SEC31A: variants seen among roughly 807,000 people sequenced by gnomAD.
SEC31A encodes SEC31 homolog A, COPII component.
A neutral mutation model predicts 151.0 loss-of-function variants in SEC31A; 70 were observed. The ratio of observed to expected loss-of-function variants is 0.46; its 90% CI spans 0.38 to 0.57. The LOEUF (loss-of-function observed/expected upper bound fraction) is 0.57. SEC31A is among the 20% of genes least tolerant of loss of function. The pLI is 0.00. For synonymous variants in SEC31A, 475 were observed against 505.9 expected, an observed-to-expected ratio of 0.94 and a Z score of 0.82; for missense variants, 1,330 against 1,471.2, an observed-to-expected ratio of 0.90 and a Z score of 1.57.
Position 82,874,640 on chromosome 4 carries a change from T to G in SEC31A, c.610A>C (p.Ile204Leu), listed in dbSNP as rs757673983. 2 of 1,610,342 alleles carry G rather than the reference T, an allele frequency of 1.2e-6. No homozygotes were observed. The highest frequency in any genetic ancestry group is 1.3e-5 in the African/African-American group (1 of 74,788). ...TVWDLRKNEP[I>L]IKVSDHSNRM... ...TTACTATGGTCACTGACTTTGATGA[T>G]TGGCTCATTTTTTCTAAGATCCCAT... The change falls in exon 6 of 27, where the codon ATC becomes CTC. Residue 204 changes from isoleucine to leucine, a missense_variant. Coordinates refer to ENST00000395310, the MANE Select transcript of SEC31A (RefSeq NM_001077207.4).
At chr4:82,877,196 G>A (rs954747162) in intron 4 of SEC31A, among the ~76,000 whole-genome samples, 1 of 152,124 alleles carries the variant, frequency 6.6e-6, no homozygotes, top group Non-Finnish European at 1.5e-5. Flanking sequence ...CTGCAGTCCA[G>A]CCTGGCAGAG....
In SEC31A at chr4:82,864,456, T is replaced by C; in HGVS notation, c.1340A>G (p.Gln447Arg). 1 of 1,614,210 alleles carries C rather than the reference T, an allele frequency of 6.2e-7. No homozygotes were observed. The highest frequency in any genetic ancestry group is 2.2e-5 in the East Asian group (1 of 44,880). The change falls in exon 11 of 27, where the codon CAG (glutamine) becomes CGG (arginine). Residue 447 changes from glutamine (Q) to arginine (R), a missense_variant. Transcript: ENST00000395310. ...EFLSRSDQLQQAVQSQGFINY... is the reference protein window; with the variant it reads ...EFLSRSDQLQRAVQSQGFINY... Reference sequence around the variant, plus strand: ...GATAAATCCTTGTGACTGCACAGCCTGCTGAAGTTGGTCTGATCGGCTGAG... The same window carrying C: ...GATAAATCCTTGTGACTGCACAGCCCGCTGAAGTTGGTCTGATCGGCTGAG...
In SEC31A at chr4:82,851,609, ATG is replaced by A. The variant is rs1578229525; in HGVS notation, c.2155-7_2155-6del. On this transcript the variant is annotated splice_polypyrimidine_tract_variant and splice_region_variant and intron_variant, in intron 18 of 26. Transcript: ENST00000395310. ...GACAACTTTCTCAATCAGATCCTAAATGAAAAAAATGAGTAACAAACAGAAAT... is the reference window on the plus strand; with the variant it reads ...GACAACTTTCTCAATCAGATCCTAAAAAAAAAATGAGTAACAAACAGAAAT... 1.2e-6 allele frequency: 2 copies of A among 1,601,556 alleles called. No homozygotes were observed. The highest frequency in any genetic ancestry group is 1.1e-5 in the South Asian group (1 of 89,874).
At chr4:82,829,733 G>A (rs941801463) in intron 22 of SEC31A, among the ~76,000 whole-genome samples, 2 of 151,902 alleles carry the variant, frequency 1.3e-5, no homozygotes, top group African/African-American at 2.4e-5. Context: ...ACCAACTGTA[G>A]TAAATTTCCT....
chr4:82,856,931 C>T, intron 16 of SEC31A, 21 bp downstream of exon 16: 5 of 1,581,176 alleles, frequency 3.2e-6, no homozygotes, highest in Non-Finnish European at 4.3e-6. Flanking sequence ...TACGTTATTG[C>T]TTATTTTTAA....
intron 18 of SEC31A, among the ~76,000 whole-genome samples, chr4:82,853,286 A>G (rs78316734): frequency 0.023 from 3,577 of 152,312 alleles, 143 homozygotes; most frequent in African/African-American, 0.081. Flanking sequence ...AGGAGCACAC[A>G]GAAAAAGAGG....
intron 24 of SEC31A, 137 bp downstream of exon 24, chr4:82,827,232 A>T (rs1338631258): frequency 2.1e-6 from 2 of 949,966 alleles, no homozygotes; most frequent in African/African-American, 1.6e-5. Flanking sequence ...GATCGATCTT[A>T]AAAAAAAGTT....
chr4:82,821,654 G>C (rs1028836004), intron 25 of SEC31A, among the ~76,000 whole-genome samples: 2 of 151,376 alleles, frequency 1.3e-5, no homozygotes, highest in African/African-American at 4.9e-5. Flanking sequence ...GAGAGGATGA[G>C]ACTTACTTCC....
chr4:82,888,699 A>T (rs80134949), intron 1 of SEC31A, among the ~76,000 whole-genome samples: 576 of 35,316 alleles, frequency 0.016, 2 homozygotes, highest in African/African-American at 0.024. Context: ...AGAAAAAAAT[A>T]AAAAAAAAAA....
intron 22 of SEC31A, among the ~76,000 whole-genome samples, chr4:82,838,354 C>A (rs1727916437): frequency 6.6e-6 from 1 of 152,144 alleles, no homozygotes; most frequent in Non-Finnish European, 1.5e-5. Context: ...AAGTGACAGG[C>A]AGTTATCCTA....
chr4:82,828,949 G>T, intron 23 of SEC31A, 51 bp downstream of exon 23: 1 of 1,423,176 alleles, frequency 7.0e-7, no homozygotes, highest in Non-Finnish European at 9.9e-7. Context: ...AAGTGGCTAC[G>T]TGGTTAACAT....
At chr4:82,868,836 C>T (rs1298379611) in intron 8 of SEC31A, among the ~76,000 whole-genome samples, 1 of 152,042 alleles carries the variant, frequency 6.6e-6, no homozygotes, top group Non-Finnish European at 1.5e-5. Flanking sequence ...GCTAGGACTA[C>T]AGAACACGCC....
chr4:82,890,955 G>C, intron 1 of SEC31A, 133 bp downstream of exon 1: 4 of 1,445,352 alleles, frequency 2.8e-6, no homozygotes, highest in Non-Finnish European at 3.6e-6. Flanking sequence ...CTAGGGGCGC[G>C]CCGTCACCAG....
At chr4:82,882,676 T>A (rs1373355398) in intron 1 of SEC31A, among the ~76,000 whole-genome samples, 5 of 152,154 alleles carry the variant, frequency 3.3e-5, no homozygotes. Context: ...ATAAGAGCAG[T>A]TTAAAAAATT....
Position 82,861,723 on chromosome 4 carries a change from A to G in SEC31A, c.1549-15T>C. 1 of 1,575,682 alleles carries G rather than the reference A, an allele frequency of 6.3e-7. No homozygotes were observed. The highest frequency in any genetic ancestry group is 1.1e-5 in the South Asian group (1 of 88,316). On this transcript the variant is annotated splice_polypyrimidine_tract_variant and intron_variant, in intron 13 of 26. Coordinates refer to ENST00000395310, the MANE Select transcript of SEC31A (RefSeq NM_001077207.4). ...TCTTTAAGAGCCTTTGGTACACAAA[A>G]CAATTACAGGGGAAGGTGAAGAATG...
At chr4:82,844,639 C>A in intron 20 of SEC31A, 130 bp from the exon 21 acceptor site, 2 of 888,010 alleles carry the variant, frequency 2.3e-6, no homozygotes, top group Non-Finnish European at 1.7e-6. Context: ...AGAAACATTG[C>A]ATTTTGCATA....
chr4:82,824,696 CTGAT>C (rs1470219419), intron 24 of SEC31A, 22 bp from the exon 25 acceptor site: 1 of 1,610,606 alleles, frequency 6.2e-7, no homozygotes, highest in Non-Finnish European at 8.5e-7. Flanking sequence ...ACACCAAAAA[CTGAT>C]CAGAAATGAC....
At chr4:82,898,986 TA>T (rs1448043247) in intron 3 of SEC31A, among the ~76,000 whole-genome samples, 3 of 151,884 alleles carry the variant, frequency 2.0e-5, no homozygotes, top group Non-Finnish European at 2.9e-5. Flanking sequence ...GTTGAACGGA[TA>T]AACAAAATCT....
Position 82,854,117 on chromosome 4 carries a change from A to T in SEC31A, c.2009-402T>A, listed in dbSNP as rs527327831. On this transcript the variant is annotated intron_variant, in intron 17 of 26. Coordinates refer to ENST00000395310, the MANE Select transcript of SEC31A (RefSeq NM_001077207.4). ...GGTGGCTCACGTCTGTAATCCCAGC[A>T]GTTTGGGAGGCTGAGACGGGCAGAT... is the stretch of plus-strand genomic sequence containing the variant. Among the ~76,000 whole-genome samples the T allele has an allele frequency of 7.9e-5, 12 of 152,312 alleles. No individual in the cohort carries two copies. The South Asian group carries it at 2.5e-3, about 32-fold the overall frequency.
Sources: allele counts gnomAD v4.1 joint callset (sites outside exome capture counted in the v4.1 genomes callset), GRCh38; gene constraint gnomAD v4.1.1; transcripts MANE v1.5; gene names NCBI Gene and HGNC (gene_info 2026-07-23, HGNC 2026-07-21).